Variants in CFAP206 observed in about 807,000 individuals in gnomAD.
CFAP206 encodes cilia- and flagella-associated protein 206.
Under a neutral mutation model 65.4 loss-of-function variants are expected in CFAP206, and 53 were observed. That is an observed-to-expected ratio of 0.81 (90% CI 0.65 to 1.02). CFAP206 has a LOEUF of 1.02. Among genes scored for constraint, CFAP206 ranks in the 50% least tolerant of loss-of-function variants. The pLI, the probability that CFAP206 is intolerant of heterozygous loss-of-function variation, is 0.00. For missense variants in CFAP206, 663 were observed against 753.2 expected (o/e 0.88, Z 1.40); for synonymous variants, 250 against 254.4 (o/e 0.98, Z 0.17).
chr6:87,415,983 G>GAA (rs34892535), intron 5 of CFAP206, 109 bp downstream of exon 5: 472 of 542,844 alleles, frequency 8.7e-4, no homozygotes, highest in African/African-American at 2.0e-3. Context: ...CTTTTTATCT[G>GAA]AAAAAAAAAA....
Position 87,418,201 on chromosome 6 carries a change from C to G in CFAP206, c.632-7C>G. 3.7e-6 allele frequency: 6 copies of G among 1,613,902 alleles called. No homozygotes were observed. In the South Asian group the frequency reaches 4.4e-5, roughly 12 times the overall value. ...TTATGGCTGCCTTTTCATACTCTTA[C>G]AAACAGTGCCAGCTGTTCTCCATGT... On this transcript the variant is annotated splice_region_variant and splice_polypyrimidine_tract_variant and intron_variant, in intron 6 of 12. Transcript: ENST00000369562.
At chr6:87,427,229 C>T (rs1768057749) in intron 8 of CFAP206, among the ~76,000 whole-genome samples, 1 of 152,204 alleles carries the variant, frequency 6.6e-6, no homozygotes, top group Non-Finnish European at 1.5e-5. Context: ...GCTCCGCCTC[C>T]TGGGTTCACG....
chr6:87,452,426 C>T (rs537605196), intron 11 of CFAP206, among the ~76,000 whole-genome samples: 68 of 152,280 alleles, frequency 4.5e-4, no homozygotes, highest in Admixed American at 2.6e-3. Context: ...CAGACATTGA[C>T]AAACATCCAG....
At chr6:87,422,979 G>T (rs1452991324) in intron 7 of CFAP206, among the ~76,000 whole-genome samples, 3 of 151,962 alleles carry the variant, frequency 2.0e-5, no homozygotes, top group African/African-American at 7.2e-5. Context: ...CTGGAGTGCG[G>T]TGGTGCAATC....
At chr6:87,454,382 T>C (rs145876449) in intron 11 of CFAP206, among the ~76,000 whole-genome samples, 1 of 152,294 alleles carries the variant, frequency 6.6e-6, no homozygotes, top group African/African-American at 2.4e-5. Context: ...GTAGGCCAAA[T>C]TGACCAAATA....
In CFAP206 at chr6:87,415,528, C is replaced by T. The variant is rs141167130; in HGVS notation, c.284-158C>T. 5.5e-4 allele frequency: 403 copies of T among 727,750 alleles called. 2 individuals carry two copies. The highest frequency in any genetic ancestry group is 5.2e-3 in the African/African-American group (302 of 57,626). The allele number at this position is 727,750 out of a possible 1,614,324, so 45.1% of individuals were successfully genotyped here. ...CTCCTGGATTTTTGTCTTGAGGCTA[C>T]ATGCTGGCCACTGTTTTTTATTTCA... On this transcript the variant is annotated intron_variant, in intron 4 of 12. Transcript: ENST00000369562.
At chr6:87,409,781 A>T (rs1767698291) in intron 1 of CFAP206, 54 bp from the exon 2 acceptor site, 10 of 1,165,840 alleles carry the variant, frequency 8.6e-6, no homozygotes, top group Non-Finnish European at 1.1e-5. Flanking sequence ...AGAGGAAAAA[A>T]ATAAATTTGC....
intron 11 of CFAP206, among the ~76,000 whole-genome samples, chr6:87,458,851 G>A (rs1768695596): frequency 6.6e-6 from 1 of 152,060 alleles, no homozygotes; most frequent in Non-Finnish European, 1.5e-5. Flanking sequence ...GACTGTTTGA[G>A]GTGATGGACA....
At chr6:87,463,330 C>T (rs9450699) in intron 12 of CFAP206, among the ~76,000 whole-genome samples, 42,496 of 152,074 alleles carry the variant, frequency 0.28, 6,120 homozygotes, top group Admixed American at 0.39. Context: ...GGAGTAGTTT[C>T]GGTTCTCAGT....
At chr6:87,417,795 G>A (rs1375133602) in intron 6 of CFAP206, among the ~76,000 whole-genome samples, 10 of 133,174 alleles carry the variant, frequency 7.5e-5, no homozygotes, top group East Asian at 4.2e-4. Flanking sequence ...CGTTCTTGTC[G>A]CCCAGATTGG....
chr6:87,420,911 T>TTTTTG (rs1197768349), intron 7 of CFAP206, among the ~76,000 whole-genome samples: 8 of 152,302 alleles, frequency 5.3e-5, no homozygotes, highest in South Asian at 2.1e-4. Context: ...CAAACAGTCT[T>TTTTTG]TTTTGTTTTG....
At chr6:87,421,671 G>A (rs576077752) in intron 7 of CFAP206, among the ~76,000 whole-genome samples, 36 of 152,286 alleles carry the variant, frequency 2.4e-4, no homozygotes, top group African/African-American at 7.7e-4. Context: ...CTTTTAAAGT[G>A]CAAGGCAGAC....
chr6:87,415,670 T>C lies in CFAP206; in HGVS notation c.284-16T>C. The C allele has an allele frequency of 6.3e-7, 1 of 1,597,960 alleles. No individual in the cohort carries two copies. On this transcript the variant is annotated splice_polypyrimidine_tract_variant and intron_variant, in intron 4 of 12. Coordinates refer to ENST00000369562, the MANE Select transcript of CFAP206 (RefSeq NM_001031743.3). Reference sequence around the variant, plus strand: ...AAAAATTAAATATATAGAACATTGTTATTTGGCAATTTTAGTGGAATTTCT... The same window carrying C: ...AAAAATTAAATATATAGAACATTGTCATTTGGCAATTTTAGTGGAATTTCT...
At chr6:87,417,331 C>T (rs1030554871) in intron 6 of CFAP206, among the ~76,000 whole-genome samples, 2 of 151,906 alleles carry the variant, frequency 1.3e-5, no homozygotes, top group African/African-American at 4.8e-5. Flanking sequence ...AATGAAGTAC[C>T]TACCAGTAGA....
At chr6:87,416,642 C>CTTTTTTTTTTTTT in intron 5 of CFAP206, 27 bp from the exon 6 acceptor site, 1 of 1,222,672 alleles carries the variant, frequency 8.2e-7, no homozygotes, top group Non-Finnish European at 1.1e-6. Context: ...TTTTGTTTTC[C>CTTTTTTTTTTTTT]TTTTTTTTTT....
chr6:87,453,997 C>T (rs1768588546), intron 11 of CFAP206, among the ~76,000 whole-genome samples: 1 of 152,036 alleles, frequency 6.6e-6, no homozygotes, highest in Admixed American at 6.6e-5. Context: ...ACAAGAAATG[C>T]ACTTCACCTA....
At chr6:87,444,716 C>T in intron 11 of CFAP206, 2 of 357,038 alleles carry the variant, frequency 5.6e-6, no homozygotes, top group African/African-American at 4.3e-5. Context: ...ACTATTTTTT[C>T]TTTGATCGCT....
chr6:87,409,682 A>AT (rs1767695327), intron 1 of CFAP206, among the ~76,000 whole-genome samples, 153 bp from the exon 2 acceptor site: 1 of 152,164 alleles, frequency 6.6e-6, no homozygotes, highest in Non-Finnish European at 1.5e-5. Context: ...ATAATGAAAA[A>AT]CAGGAGAGGC....
intron 11 of CFAP206, among the ~76,000 whole-genome samples, chr6:87,451,820 C>T (rs540990794): frequency 1.3e-5 from 2 of 150,788 alleles, no homozygotes; most frequent in Non-Finnish European, 1.5e-5. Context: ...TGCAGTGAGC[C>T]GAGATAGTGC....
Sources: allele counts gnomAD v4.1 joint callset (sites outside exome capture counted in the v4.1 genomes callset), GRCh38; gene constraint gnomAD v4.1.1; transcripts MANE v1.5; gene names NCBI Gene and HGNC (gene_info 2026-07-23, HGNC 2026-07-21).